SLC7A14: variants seen among roughly 807,000 people sequenced by gnomAD.
SLC7A14 encodes the protein solute carrier family 7 member 14.
A neutral mutation model predicts 60.2 loss-of-function variants in SLC7A14; 37 were observed. The ratio of observed to expected loss-of-function variants is 0.61; its 90% CI spans 0.47 to 0.81. SLC7A14 has a LOEUF of 0.81. SLC7A14 is among the 30% of genes least tolerant of loss of function. The pLI, the probability that SLC7A14 is intolerant of heterozygous loss-of-function variation, is 0.00. For synonymous variants in SLC7A14, 399 were observed against 395.8 expected, an observed-to-expected ratio of 1.01 and a Z score of -0.10; for missense variants, 886 against 982.7, an observed-to-expected ratio of 0.90 and a Z score of 1.32.
At chr3:170,495,689 TATCC>T in intron 4 of SLC7A14, 1 of 964,672 alleles carries the variant, frequency 1.0e-6, no homozygotes, top group Non-Finnish European at 1.7e-6. Flanking sequence ...TAGATCCCAA[TATCC>T]AGGCCATGCA....
chr3:170,502,460 T>G (rs752393344), intron 2 of SLC7A14, among the ~76,000 whole-genome samples: 1 of 150,830 alleles, frequency 6.6e-6, no homozygotes, highest in African/African-American at 2.4e-5. Flanking sequence ...GTTGGGAGAG[T>G]TCCCTATTTT....
At chr3:170,489,273 A>G (rs1264438802) in intron 4 of SLC7A14, among the ~76,000 whole-genome samples, 1 of 152,260 alleles carries the variant, frequency 6.6e-6, no homozygotes, top group South Asian at 2.1e-4. Context: ...AAAAAATCTA[A>G]TAATCTGATT....
chr3:170,484,202 G>GA (rs1268304459), intron 5 of SLC7A14, among the ~76,000 whole-genome samples: 1 of 152,182 alleles, frequency 6.6e-6, no homozygotes, highest in Non-Finnish European at 1.5e-5. Flanking sequence ...GCTTAATCAG[G>GA]AATCATTTAC....
chr3:170,554,533 C>T (rs1714435771), intron 1 of SLC7A14, among the ~76,000 whole-genome samples: 1 of 152,192 alleles, frequency 6.6e-6, no homozygotes, highest in Non-Finnish European at 1.5e-5. Context: ...AGCACTAGGC[C>T]TTTGTGACAC....
At chr3:170,487,208 G>T (rs185920845) in intron 4 of SLC7A14, among the ~76,000 whole-genome samples, 1 of 143,714 alleles carries the variant, frequency 7.0e-6, no homozygotes, top group Admixed American at 7.4e-5. Context: ...GGCTCCAGGG[G>T]TGTTTGGGAA....
chr3:170,498,252 A>G (rs1315156182), intron 4 of SLC7A14, among the ~76,000 whole-genome samples: 2 of 152,210 alleles, frequency 1.3e-5, no homozygotes, highest in African/African-American at 4.8e-5. Flanking sequence ...GGGTTCTGCC[A>G]CTTACATTGT....
intron 5 of SLC7A14, among the ~76,000 whole-genome samples, chr3:170,485,405 C>G (rs762906213): frequency 3.7e-4 from 56 of 152,300 alleles, no homozygotes; most frequent in Non-Finnish European, 6.9e-4. Flanking sequence ...ACTGCCAGCT[C>G]TTTCCTAATT....
chr3:170,565,797 C>A (rs1714772856), intron 1 of SLC7A14, among the ~76,000 whole-genome samples: 1 of 151,960 alleles, frequency 6.6e-6, no homozygotes, highest in South Asian at 2.1e-4. Context: ...TGACCCCTTC[C>A]CTGCTATTAC....
rs151303626 is a variant in SLC7A14 at position 170,483,963 on chromosome 3, G to T, written c.907-441C>A. On this transcript the variant is annotated intron_variant, in intron 5 of 7. Transcript: ENST00000231706. The stretch of plus-strand genomic sequence containing the variant: ...TCTCTTCTGCTTTCTGGTCCTACAG[G>T]GTTTTATCCGTACTCCCTCTCACTG... 8.9e-4 allele frequency among the ~76,000 whole-genome samples: 135 copies of T among 152,224 alleles called. 4 individuals are homozygous for T. In the East Asian group the frequency reaches 0.02, roughly 22 times the overall value.
chr3:170,505,623 T>C (rs1248205637), intron 2 of SLC7A14, among the ~76,000 whole-genome samples: 1 of 152,138 alleles, frequency 6.6e-6, no homozygotes. Context: ...CGGTGGCTCA[T>C]GCCTGTAATC....
At chr3:170,539,845 C>G (rs376652463) in intron 1 of SLC7A14, among the ~76,000 whole-genome samples, 2 of 152,140 alleles carry the variant, frequency 1.3e-5, no homozygotes, top group East Asian at 3.9e-4. Context: ...ATGTACATAC[C>G]TATGATAAAG....
At chr3:170,569,688 T>G (rs6444936) in intron 1 of SLC7A14, among the ~76,000 whole-genome samples, 61,759 of 150,978 alleles carry the variant, frequency 0.41, 12,713 homozygotes, top group African/African-American at 0.49. Flanking sequence ...CAATTTCAGC[T>G]CCTGTTATTG....
chr3:170,478,420 T>C (rs1215839370), intron 7 of SLC7A14, among the ~76,000 whole-genome samples: 4 of 111,404 alleles, frequency 3.6e-5, no homozygotes, highest in African/African-American at 7.8e-5. Flanking sequence ...AAAATCTTGA[T>C]GAGTCAGTGG....
At chr3:170,584,909 A>G (rs1715339551) in intron 1 of SLC7A14, among the ~76,000 whole-genome samples, 1 of 152,168 alleles carries the variant, frequency 6.6e-6, no homozygotes. Flanking sequence ...CTCCGCTCAA[A>G]ATCTCAAGGA....
intron 4 of SLC7A14, among the ~76,000 whole-genome samples, chr3:170,495,165 A>G (rs1300037754): frequency 6.6e-6 from 1 of 152,276 alleles, no homozygotes; most frequent in Non-Finnish European, 1.5e-5. Context: ...CAAGCTGCAC[A>G]TAAAAACATC....
In SLC7A14 at chr3:170,465,283, T is replaced by A. The variant is rs1739691202; in HGVS notation, c.*1772A>T. 1.3e-5 allele frequency: 2 copies of A among 152,278 alleles called. No homozygotes were observed. Among genetic ancestry groups the A allele is most frequent in the South Asian group, 4.1e-4 (2 of 4,834 alleles). 9.4% of individuals were successfully genotyped at this position (152,278 alleles called of 1,614,324 possible). A position where few individuals can be genotyped will look rare whatever the true frequency, so the allele number is the denominator to read the frequency against. On this transcript the variant is annotated 3_prime_UTR_variant, in exon 8 of 8. Coordinates refer to ENST00000231706, the MANE Select transcript of SLC7A14 (RefSeq NM_020949.3). ...GTTTCAATTCATCTTTATATGTATG[T>A]TAAAACCCAGTGCATCAGCCTGGAG...
chr3:170,519,192 A>G (rs1193358445), intron 2 of SLC7A14, among the ~76,000 whole-genome samples: 1 of 152,206 alleles, frequency 6.6e-6, no homozygotes, highest in East Asian at 1.9e-4. Flanking sequence ...GGGACCTTAG[A>G]TCTTCCCATC....
chr3:170,582,712 G>A (rs907197736), intron 1 of SLC7A14, among the ~76,000 whole-genome samples: 2 of 152,210 alleles, frequency 1.3e-5, no homozygotes, highest in African/African-American at 4.8e-5. Context: ...AACAAATGGG[G>A]AGAATATGTT....
intron 1 of SLC7A14, among the ~76,000 whole-genome samples, chr3:170,584,363 A>C (rs1016953163): frequency 1.3e-5 from 2 of 152,220 alleles, no homozygotes; most frequent in Non-Finnish European, 2.9e-5. Context: ...TGATTCCTGA[A>C]AGCCACAGAA....
Sources: allele counts gnomAD v4.1 joint callset (sites outside exome capture counted in the v4.1 genomes callset), GRCh38; gene constraint gnomAD v4.1.1; transcripts MANE v1.5; gene names NCBI Gene and HGNC (gene_info 2026-07-23, HGNC 2026-07-21).